The following JPH1 variants were observed in gnomAD, a reference collection of about 807,000 sequenced individuals.
The protein encoded by JPH1 is junctophilin-1.
Under a neutral mutation model 53.6 loss-of-function variants are expected in JPH1, and 12 were observed. That is an observed-to-expected ratio of 0.22 (90% CI 0.14 to 0.36). The LOEUF is 0.36. Among genes scored for constraint, JPH1 ranks in the 10% least tolerant of loss-of-function variants. The pLI, the probability that JPH1 is intolerant of heterozygous loss-of-function variation, is 1.00. For missense variants in JPH1, 808 were observed against 905.5 expected, an observed-to-expected ratio of 0.89 and a Z score of 1.38; for synonymous variants, 375 against 363.8, an observed-to-expected ratio of 1.03 and a Z score of -0.35.
At chr8:74,246,174 C>T (rs1040335774) in intron 3 of JPH1, among the ~76,000 whole-genome samples, 1 of 152,160 alleles carries the variant, frequency 6.6e-6, no homozygotes, top group Non-Finnish European at 1.5e-5. Context: ...AGGTCACATG[C>T]AGTGCAACTG....
chr8:74,295,044 T>A (rs1167564245), intron 2 of JPH1, among the ~76,000 whole-genome samples: 1 of 152,178 alleles, frequency 6.6e-6, no homozygotes, highest in Admixed American at 6.5e-5. Flanking sequence ...CTACATAAGT[T>A]TGAATGACAA....
At chr8:74,305,153 A>G (rs2131451966) in intron 2 of JPH1, among the ~76,000 whole-genome samples, 1 of 152,364 alleles carries the variant, frequency 6.6e-6, no homozygotes, top group South Asian at 2.1e-4. Context: ...TATAATAAGA[A>G]AAGCATCTCA....
rs1291917924 is a variant in JPH1, at chr8:74,253,921, A to C, written c.1258+5464T>G. Among the ~76,000 whole-genome samples the C allele has an allele frequency of 3.3e-5, 5 of 152,224 alleles. No homozygotes were observed. In the South Asian group the frequency reaches 1.0e-3, roughly 32 times the overall value. ...AATTAATAGCTTACCAACCAAAAAA[A>C]GTCCAGGACCAGATGGATTCACAGC... On this transcript the variant is annotated intron_variant, in intron 3 of 5. Transcript: ENST00000342232.
chr8:74,299,045 T>A (rs1257931774), intron 2 of JPH1, among the ~76,000 whole-genome samples: 1 of 152,214 alleles, frequency 6.6e-6, no homozygotes, highest in Non-Finnish European at 1.5e-5. Context: ...TGGTGACCTT[T>A]ACTGCCTTTG....
intron 4 of JPH1, among the ~76,000 whole-genome samples, chr8:74,237,550 T>C (rs555895449): frequency 2.6e-5 from 4 of 152,340 alleles, no homozygotes; most frequent in East Asian, 1.9e-4. Flanking sequence ...AAACAACTGA[T>C]CCACTTCATT....
intron 4 of JPH1, among the ~76,000 whole-genome samples, chr8:74,243,370 C>T (rs1192635149): frequency 6.6e-6 from 1 of 152,000 alleles, no homozygotes; most frequent in Non-Finnish European, 1.5e-5. Flanking sequence ...GGAAGTTGGT[C>T]CAGTTAATCT....
chr8:74,248,118 T>C (rs959258165), intron 3 of JPH1, among the ~76,000 whole-genome samples: 1 of 152,216 alleles, frequency 6.6e-6, no homozygotes, highest in Non-Finnish European at 1.5e-5. Context: ...GGACACAGTT[T>C]TCTTGTCCTA....
intron 2 of JPH1, among the ~76,000 whole-genome samples, chr8:74,267,634 C>T (rs950414564): frequency 1.6e-4 from 25 of 152,118 alleles, no homozygotes; most frequent in Non-Finnish European, 2.8e-4. Flanking sequence ...AGGGAGTTGG[C>T]GAGGAAGTGG....
At chr8:74,267,630 T>C (rs557252708) in intron 2 of JPH1, among the ~76,000 whole-genome samples, 40 of 151,828 alleles carry the variant, frequency 2.6e-4, no homozygotes, top group African/African-American at 8.9e-4. Flanking sequence ...CTGAAGGGAG[T>C]TGGCGAGGAA....
rs962852883 is a variant in JPH1 at position 74,320,756 on chromosome 8, GGCGGGC to G, written c.379+147_379+152del. ...CGGTCCCAGCGCCCTCTCTGGGAAA[GGCGGGC>G]GCGGGCGCGGGGGTGGGAGGCGCCC... On this transcript the variant is annotated intron_variant, in intron 1 of 5. Coordinates refer to ENST00000342232, the MANE Select transcript of JPH1 (RefSeq NM_020647.4). The surrounding 1 kb of genome is among the most constrained non-coding windows in gnomAD (Gnocchi z 4.4). Among the ~76,000 whole-genome samples the G allele has an allele frequency of 6.6e-6, 1 of 152,160 alleles. No homozygotes were observed. The highest frequency in any genetic ancestry group is 2.1e-4 in the South Asian group (1 of 4,836).
chr8:74,254,608 C>G (rs966526622), intron 3 of JPH1, among the ~76,000 whole-genome samples: 4 of 152,074 alleles, frequency 2.6e-5, no homozygotes, highest in African/African-American at 9.7e-5. Context: ...CAAATTGTCC[C>G]TGTTTGCAGA....
intron 1 of JPH1, among the ~76,000 whole-genome samples, chr8:74,316,232 C>A (rs1808153346): frequency 2.6e-5 from 4 of 152,026 alleles, no homozygotes; most frequent in Admixed American, 2.0e-4. Flanking sequence ...TTGGGTGAAC[C>A]TTTTTGAGCT....
At chr8:74,306,158 G>A (rs1807827704) in intron 2 of JPH1, among the ~76,000 whole-genome samples, 1 of 152,196 alleles carries the variant, frequency 6.6e-6, no homozygotes, top group Non-Finnish European at 1.5e-5. Context: ...AAGGCCAGGA[G>A]CTGGCCAGAG....
intron 2 of JPH1, among the ~76,000 whole-genome samples, chr8:74,294,100 C>T (rs1051970934): frequency 1.3e-5 from 2 of 152,172 alleles, no homozygotes; most frequent in African/African-American, 4.8e-5. Context: ...TCCTGCACAC[C>T]TGAGGGAACT....
At chr8:74,262,178 C>T (rs1426010599) in intron 2 of JPH1, among the ~76,000 whole-genome samples, 1 of 152,150 alleles carries the variant, frequency 6.6e-6, no homozygotes, top group Non-Finnish European at 1.5e-5. Flanking sequence ...TGCTCAAGAG[C>T]TTTTGGAACC....
chr8:74,239,616 G>A (rs1377380098), intron 4 of JPH1, among the ~76,000 whole-genome samples: 1 of 152,126 alleles, frequency 6.6e-6, no homozygotes, highest in African/African-American at 2.4e-5. Context: ...ATCTTTCAAT[G>A]TCACAACTGA....
intron 3 of JPH1, among the ~76,000 whole-genome samples, chr8:74,250,722 T>TG (rs1329356847): frequency 2.0e-5 from 3 of 152,212 alleles, no homozygotes; most frequent in Admixed American, 6.5e-5. Context: ...GCCAAAAGAT[T>TG]GGACACCCTT....
At chr8:74,243,851 T>C (rs1242150880) in intron 4 of JPH1, among the ~76,000 whole-genome samples, 2 of 152,254 alleles carry the variant, frequency 1.3e-5, no homozygotes, top group Admixed American at 6.5e-5. Context: ...ATATCTTAAA[T>C]GCTTAAGACT....
intron 4 of JPH1, among the ~76,000 whole-genome samples, chr8:74,238,620 A>T (rs1254042661): frequency 6.6e-6 from 1 of 151,796 alleles, no homozygotes; most frequent in African/African-American, 2.4e-5. Context: ...ATTTAATGAG[A>T]CTCTACTATC....
Sources: gnomAD v4.1 joint callset for allele counts (sites outside exome capture counted in the v4.1 genomes callset) on GRCh38, gnomAD v4.1.1 for gene constraint, Gnocchi (gnomAD v3.1) non-coding constraint, MANE v1.5 for transcripts, NCBI Gene and HGNC (gene_info 2026-07-23, HGNC 2026-07-21) for gene names.